Variants in MTCL2 observed in about 807,000 individuals in gnomAD.
MTCL2 encodes microtubule crosslinking factor 2.
At chr20:36,836,725 G>A in the MTCL2 span, among the ~76,000 whole-genome samples, 1 of 151,982 alleles carries the variant, frequency 6.6e-6, no homozygotes, top group Non-Finnish European at 1.5e-5. Context: ...GGCCTCTAGC[G>A]ATCCTCCCAC....
chr20:36,788,352 T>C, the MTCL2 span, among the ~76,000 whole-genome samples: 5 of 151,518 alleles, frequency 3.3e-5, no homozygotes, highest in African/African-American at 4.9e-5. Flanking sequence ...CCCATCTCTT[T>C]AAAAAATAAA....
At chr20:36,794,295 C>T in the MTCL2 span, 43 of 1,554,340 alleles carry the variant, frequency 2.8e-5, no homozygotes, top group African/African-American at 1.5e-4. This position sits in a 1 kb window ranked among gnomAD's most constrained non-coding sequence, Gnocchi z 5.4. Context: ...ACAGGGACTC[C>T]GAGGCGCCGG....
At chr20:36,854,966 G>A in the MTCL2 span, among the ~76,000 whole-genome samples, 3 of 152,180 alleles carry the variant, frequency 2.0e-5, no homozygotes, top group Admixed American at 1.3e-4. Context: ...GTTTGGGGGT[G>A]CCCAAAATGC....
chr20:36,814,275 T>C, the MTCL2 span, among the ~76,000 whole-genome samples: 1 of 152,156 alleles, frequency 6.6e-6, no homozygotes, highest in South Asian at 2.1e-4. Context: ...CATCATAAAT[T>C]AACAAACTGA....
chr20:36,861,703 G>A, the MTCL2 span, among the ~76,000 whole-genome samples: 36 of 152,262 alleles, frequency 2.4e-4, no homozygotes, highest in African/African-American at 7.7e-4. Context: ...AGCGGCAGGA[G>A]AGCTCAGGAA....
the MTCL2 span, among the ~76,000 whole-genome samples, chr20:36,853,013 C>T: frequency 1.1e-4 from 17 of 150,984 alleles, no homozygotes; most frequent in Non-Finnish European, 1.9e-4. Context: ...GCCAAGATCA[C>T]GCCACTGCAC....
chr20:36,852,749 G>T, the MTCL2 span, among the ~76,000 whole-genome samples: 1 of 152,108 alleles, frequency 6.6e-6, no homozygotes, highest in Non-Finnish European at 1.5e-5. Flanking sequence ...CCAGTTTTCA[G>T]GAAGTTGCAT....
At chr20:36,803,956 CA>C in the MTCL2 span, among the ~76,000 whole-genome samples, 2,474 of 42,878 alleles carry the variant, frequency 0.058, 9 homozygotes, top group Middle Eastern at 0.13. Context: ...GATGCCGTCT[CA>C]AAAAAAAAAA....
At chr20:36,792,234 G>A in the MTCL2 span, among the ~76,000 whole-genome samples, 3 of 152,156 alleles carry the variant, frequency 2.0e-5, no homozygotes, top group Non-Finnish European at 2.9e-5. Flanking sequence ...GTGGCCAGGC[G>A]CGGTGGCTCA....
the MTCL2 span, chr20:36,815,287 C>G: frequency 6.8e-6 from 11 of 1,613,864 alleles, no homozygotes; most frequent in Non-Finnish European, 9.3e-6. This position sits in a 1 kb window ranked among gnomAD's most constrained non-coding sequence, Gnocchi z 5.3. Context: ...TGCTGCAGCA[C>G]GCTCAGGCGC....
the MTCL2 span, among the ~76,000 whole-genome samples, chr20:36,806,523 CTTTATTTTTT>C: frequency 6.6e-6 from 1 of 151,790 alleles, no homozygotes; most frequent in Non-Finnish European, 1.5e-5. Context: ...TTCTGTGTCT[CTTTATTTTTT>C]TTTTGAGATG....
chr20:36,850,473 C>T, the MTCL2 span, among the ~76,000 whole-genome samples: 1 of 151,836 alleles, frequency 6.6e-6, no homozygotes, highest in East Asian at 1.9e-4. Flanking sequence ...TTGCAGTGAG[C>T]CAAGATGGCA....
the MTCL2 span, chr20:36,829,205 T>C: frequency 3.1e-6 from 5 of 1,609,568 alleles, no homozygotes; most frequent in Admixed American, 1.7e-5. Flanking sequence ...GGAGATGTCC[T>C]TAGAGACCTG....
At chr20:36,815,975 C>T in the MTCL2 span, 7 of 1,613,530 alleles carry the variant, frequency 4.3e-6, no homozygotes, top group Non-Finnish European at 5.9e-6. The surrounding 1 kb of genome is among the most constrained non-coding windows in gnomAD (Gnocchi z 5.3). Context: ...CCTCAGGACC[C>T]CCACAGCCAC....
At chr20:36,859,863 G>GA in the MTCL2 span, 5 of 1,231,514 alleles carry the variant, frequency 4.1e-6, no homozygotes, top group African/African-American at 1.6e-5. Context: ...CAGAAAGGCA[G>GA]AAAACACATC....
the MTCL2 span, among the ~76,000 whole-genome samples, chr20:36,814,187 A>T: frequency 6.6e-6 from 1 of 152,160 alleles, no homozygotes; most frequent in Non-Finnish European, 1.5e-5. Context: ...GGACCATGAG[A>T]GGGGGAATCA....
the MTCL2 span, among the ~76,000 whole-genome samples, chr20:36,844,332 G>A: frequency 7.9e-5 from 12 of 151,796 alleles, no homozygotes; most frequent in African/African-American, 2.9e-4. Flanking sequence ...GAGGCAGGAG[G>A]ATCACTTGAG....
the MTCL2 span, chr20:36,804,725 G>C: frequency 6.2e-7 from 1 of 1,610,978 alleles, no homozygotes; most frequent in Non-Finnish European, 8.5e-7. Flanking sequence ...CTGACAGGTG[G>C]GGGGCTCACC....
chr20:36,790,838 G>A, the MTCL2 span, among the ~76,000 whole-genome samples: 2 of 151,302 alleles, frequency 1.3e-5, no homozygotes, highest in Admixed American at 6.6e-5. Context: ...GTCTCCCAAA[G>A]TGCTGGGATT....
Sources: allele counts gnomAD v4.1 joint callset (sites outside exome capture counted in the v4.1 genomes callset), GRCh38; gene constraint gnomAD v4.1.1; non-coding constraint Gnocchi (gnomAD v3.1); transcripts MANE v1.5; gene names NCBI Gene and HGNC (gene_info 2026-07-23, HGNC 2026-07-21).